Variants in DOCK9 observed in about 807,000 individuals in gnomAD.
The protein encoded by DOCK9 is dedicator of cytokinesis 9.
In DOCK9, 89 loss-of-function variants were observed where a neutral mutation model predicts 263.3. The observed-to-expected ratio is 0.34, with a 90% CI of 0.28 to 0.40. The LOEUF is 0.40. Among genes scored for constraint, DOCK9 ranks in the 10% least tolerant of loss-of-function variants. The pLI is 1.00. For synonymous variants in DOCK9, 976 were observed against 973.1 expected (o/e 1.00, Z -0.06); for missense variants, 2,140 against 2,603.4 (o/e 0.82, Z 3.87).
At chr13:98,819,766 G>A (rs938669915) in intron 45 of DOCK9, among the ~76,000 whole-genome samples, 9 of 152,208 alleles carry the variant, frequency 5.9e-5, no homozygotes, top group Non-Finnish European at 8.8e-5. Flanking sequence ...TAACCACCAC[G>A]CTTGGATGAG....
chr13:98,882,102 C>T (rs545589371), intron 23 of DOCK9, 95 bp from the exon 24 acceptor site: 1 of 1,038,080 alleles, frequency 9.6e-7, no homozygotes, highest in African/African-American at 1.6e-5. Context: ...GGAAGAACTC[C>T]CTCTAAAACA....
chr13:98,871,392 T>A (rs2094182111), intron 27 of DOCK9, among the ~76,000 whole-genome samples: 1 of 152,216 alleles, frequency 6.6e-6, no homozygotes, highest in African/African-American at 2.4e-5. Context: ...TACCAACCCA[T>A]CATTAGTGCT....
chr13:98,863,208 T>C, intron 31 of DOCK9, 76 bp from the exon 32 acceptor site: 23 of 1,498,758 alleles, frequency 1.5e-5, no homozygotes, highest in Admixed American at 1.9e-5. Context: ...ACCATCTCCT[T>C]TATTTGGATC....
At chr13:99,054,343 G>A (rs1036808338) in intron 1 of DOCK9, among the ~76,000 whole-genome samples, 1 of 152,110 alleles carries the variant, frequency 6.6e-6, no homozygotes, top group Non-Finnish European at 1.5e-5. Context: ...GGCTTCCATG[G>A]CCCACTATAA....
At chr13:98,993,390 A>C (rs1390784396) in intron 1 of DOCK9, among the ~76,000 whole-genome samples, 2 of 152,242 alleles carry the variant, frequency 1.3e-5, no homozygotes, top group Non-Finnish European at 2.9e-5. Flanking sequence ...AATCTACTTC[A>C]CAGCAGCCTT....
At chr13:98,873,083 A>T (rs1418400229) in intron 27 of DOCK9, among the ~76,000 whole-genome samples, 1 of 152,084 alleles carries the variant, frequency 6.6e-6, no homozygotes, top group Admixed American at 6.5e-5. Flanking sequence ...GTGGCCCAAG[A>T]CGCTTCCTTC....
At chr13:98,871,168 C>G (rs1388952353) in intron 27 of DOCK9, among the ~76,000 whole-genome samples, 1 of 152,092 alleles carries the variant, frequency 6.6e-6, no homozygotes, top group Non-Finnish European at 1.5e-5. Context: ...AGATGACATG[C>G]TAAAAGTGTC....
intron 15 of DOCK9, among the ~76,000 whole-genome samples, chr13:98,896,285 G>T (rs990667782): frequency 3.9e-5 from 6 of 152,138 alleles, no homozygotes; most frequent in African/African-American, 1.4e-4. Context: ...GGCTGAAGCC[G>T]CCTGCTGACA....
At chr13:99,022,476 A>C (rs1886232453) in intron 1 of DOCK9, among the ~76,000 whole-genome samples, 1 of 152,214 alleles carries the variant, frequency 6.6e-6, no homozygotes, top group South Asian at 2.1e-4. Context: ...GGCAGCTCTA[A>C]CAACTGGCAA....
At chr13:98,904,448 C>G (rs2048781207) in intron 10 of DOCK9, among the ~76,000 whole-genome samples, 184 bp downstream of exon 10, 1 of 152,206 alleles carries the variant, frequency 6.6e-6, no homozygotes, top group African/African-American at 2.4e-5. Context: ...ATCAAATATT[C>G]ACAATAGTAA....
At position 98,800,277 on chromosome 13, in the gene DOCK9, G is replaced by T; in HGVS notation, c.5916+11C>A. 6.3e-7 allele frequency: 1 copy of T among 1,586,950 alleles called. No homozygotes were observed. Among genetic ancestry groups the T allele is most frequent in the African/African-American group, 1.3e-5 (1 of 74,572 alleles). On this transcript the variant is annotated intron_variant, in intron 50 of 52. Coordinates refer to ENST00000682017, the MANE Select transcript of DOCK9 (RefSeq NM_001366683.2). ...CCCCTGCTGCCCTCCGGCCTGCTGTGCCTGGCTCACCTGAACACTCACGCT... is the reference window on the plus strand; with the variant it reads ...CCCCTGCTGCCCTCCGGCCTGCTGTTCCTGGCTCACCTGAACACTCACGCT...
chr13:98,860,165 C>G, intron 33 of DOCK9: 1 of 1,325,478 alleles, frequency 7.5e-7, no homozygotes, highest in African/African-American at 1.5e-5. Flanking sequence ...AAAAAGCAAA[C>G]AGCGTGAGCC....
intron 38 of DOCK9, among the ~76,000 whole-genome samples, chr13:98,843,748 T>A (rs1022857927): frequency 6.6e-6 from 1 of 152,046 alleles, no homozygotes; most frequent in African/African-American, 2.4e-5. Context: ...AAATAAACCA[T>A]GTTAACAAGA....
intron 1 of DOCK9, among the ~76,000 whole-genome samples, chr13:99,082,210 A>T (rs2042147454): frequency 2.1e-5 from 3 of 144,482 alleles, no homozygotes; most frequent in Admixed American, 6.9e-5. Flanking sequence ...ACAGATTAAG[A>T]TGGTCTCTAA....
At chr13:98,949,655 T>A (rs1812653470) in intron 2 of DOCK9, 1 of 184,144 alleles carries the variant, frequency 5.4e-6, no homozygotes, top group Non-Finnish European at 1.1e-5. Flanking sequence ...AGATACTTGA[T>A]AATAATTCCA....
intron 1 of DOCK9, among the ~76,000 whole-genome samples, chr13:99,050,913 A>T (rs2040662344): frequency 1.3e-5 from 2 of 152,294 alleles, no homozygotes; most frequent in Admixed American, 6.5e-5. Context: ...TCAAAGATTA[A>T]AACTTTTCAG....
intron 18 of DOCK9, among the ~76,000 whole-genome samples, chr13:98,887,141 A>ATT (rs1335567169): frequency 1.8e-3 from 106 of 59,488 alleles, no homozygotes; most frequent in Non-Finnish European, 2.5e-3. Context: ...ATATATATAT[A>ATT]TATTTTTTTT....
At position 98,827,666 on chromosome 13, in the gene DOCK9, G is replaced by A. The variant is rs549792913; in HGVS notation, c.4966-779C>T. 2.0e-5 allele frequency among the ~76,000 whole-genome samples: 3 copies of A among 152,336 alleles called. No homozygotes were observed. The South Asian group carries it at 6.2e-4, about 32-fold the overall frequency. ...GCATGCACTCTGATGTGTGCAGAGA[G>A]AAGTCTGTTGGAGAGTGGAGTTATG... On this transcript the variant is annotated intron_variant, in intron 43 of 52. Transcript: ENST00000682017.
At chr13:98,808,209 A>G (rs2090935647) in intron 47 of DOCK9, among the ~76,000 whole-genome samples, 1 of 152,194 alleles carries the variant, frequency 6.6e-6, no homozygotes, top group South Asian at 2.1e-4. Context: ...TCCCATGCAC[A>G]CAGGATTTTA....
Sources: allele counts gnomAD v4.1 joint callset (sites outside exome capture counted in the v4.1 genomes callset), GRCh38; gene constraint gnomAD v4.1.1; transcripts MANE v1.5; gene names NCBI Gene and HGNC (gene_info 2026-07-23, HGNC 2026-07-21).